GABRG3: variants seen among roughly 807,000 people sequenced by gnomAD.
GABRG3 encodes the protein gamma-aminobutyric acid receptor subunit gamma-3.
A neutral mutation model predicts 48.8 loss-of-function variants in GABRG3; 25 were observed. That is an observed-to-expected ratio of 0.51 (90% confidence interval 0.37 to 0.72). GABRG3 has a LOEUF of 0.72. Among genes scored for constraint, GABRG3 ranks in the 30% least tolerant of loss-of-function variants. The pLI is 0.00. For missense variants in GABRG3, 394 were observed against 577.9 expected, an observed-to-expected ratio of 0.68 and a Z score of 3.26; for synonymous variants, 227 against 217.6, an observed-to-expected ratio of 1.04 and a Z score of -0.38.
intron 6 of GABRG3, among the ~76,000 whole-genome samples, chr15:27,495,468 T>A (rs8023432): frequency 5.3e-4 from 80 of 152,308 alleles, no homozygotes; most frequent in African/African-American, 1.8e-3. Flanking sequence ...TGATTTGAGT[T>A]CTCTTGGATA....
At chr15:27,409,775 A>T (rs949340047) in intron 5 of GABRG3, among the ~76,000 whole-genome samples, 1 of 152,168 alleles carries the variant, frequency 6.6e-6, no homozygotes, top group Non-Finnish European at 1.5e-5. Context: ...ACTGATTTTT[A>T]TGTGTTGATC....
At position 27,451,120 on chromosome 15, in the gene GABRG3, C is replaced by G. The variant is rs1030804797; in HGVS notation, c.575-29530C>G. On this transcript the variant is annotated intron_variant, in intron 5 of 9. Transcript: ENST00000615808. ...GTTCATACTACCCAAAGTGATCACC[C>G]AAAGTGATTCAGTGTAATCCCAATC... is the stretch of plus-strand genomic sequence containing the variant. 3.3e-5 allele frequency among the ~76,000 whole-genome samples: 5 copies of G among 151,988 alleles called. No homozygotes were observed. The East Asian group carries it at 9.6e-4, about 29-fold the overall frequency.
chr15:27,153,924 A>G (rs895077603), intron 3 of GABRG3, among the ~76,000 whole-genome samples: 1 of 152,098 alleles, frequency 6.6e-6, no homozygotes, highest in Non-Finnish European at 1.5e-5. Flanking sequence ...TTGCCTTTTG[A>G]CATCACTTGT....
intron 3 of GABRG3, among the ~76,000 whole-genome samples, chr15:27,314,600 T>C (rs1447756161): frequency 6.6e-6 from 1 of 152,192 alleles, no homozygotes; most frequent in African/African-American, 2.4e-5. Context: ...CTTTCAAAGA[T>C]ATCTTAGCAC....
chr15:27,358,418 T>G (rs1190568164), intron 5 of GABRG3, among the ~76,000 whole-genome samples: 1 of 152,078 alleles, frequency 6.6e-6, no homozygotes, highest in East Asian at 1.9e-4. Context: ...TTCCCAACTC[T>G]AAGAAACGTT....
intron 3 of GABRG3, among the ~76,000 whole-genome samples, chr15:27,147,852 G>C (rs1898238123): frequency 6.6e-6 from 1 of 151,882 alleles, no homozygotes; most frequent in Admixed American, 6.6e-5. Context: ...AGCTGCAGTT[G>C]ACTATTTTTA....
intron 3 of GABRG3, among the ~76,000 whole-genome samples, chr15:27,262,297 A>G (rs1169477228): frequency 6.6e-6 from 1 of 152,202 alleles, no homozygotes; most frequent in African/African-American, 2.4e-5. Context: ...CTACCCAGTA[A>G]TCCTGGGTGT....
At chr15:27,328,272 G>A (rs1367901305) in intron 4 of GABRG3, among the ~76,000 whole-genome samples, 1 of 139,894 alleles carries the variant, frequency 7.1e-6, no homozygotes, top group Non-Finnish European at 1.5e-5. Context: ...AAGCCAGGGC[G>A]AAGACCTGGC....
At chr15:26,991,744 G>A (rs572858504) in intron 2 of GABRG3, among the ~76,000 whole-genome samples, 3 of 151,076 alleles carry the variant, frequency 2.0e-5, no homozygotes, top group South Asian at 4.2e-4. Context: ...TTTCTGAGAC[G>A]GAGTCTTGCT....
intron 3 of GABRG3, among the ~76,000 whole-genome samples, chr15:27,258,245 C>T (rs576356853): frequency 6.6e-5 from 10 of 152,262 alleles, no homozygotes; most frequent in African/African-American, 2.2e-4. Flanking sequence ...ACCTTATTAC[C>T]TTATTTCAGT....
At chr15:27,350,446 A>C (rs1462063801) in intron 5 of GABRG3, 2 of 325,766 alleles carry the variant, frequency 6.1e-6, no homozygotes, top group Non-Finnish European at 1.2e-5. Context: ...ATATCAGTAA[A>C]TAAAAATGGA....
intron 3 of GABRG3, among the ~76,000 whole-genome samples, chr15:27,132,257 A>G (rs1897928147): frequency 6.6e-6 from 1 of 151,998 alleles, no homozygotes; most frequent in Non-Finnish European, 1.5e-5. Context: ...TAGTAGTTTC[A>G]TAGTTTCAGG....
chr15:27,451,105 C>A (rs967950956), intron 5 of GABRG3, among the ~76,000 whole-genome samples: 8 of 152,206 alleles, frequency 5.3e-5, no homozygotes, highest in African/African-American at 1.7e-4. Context: ...GTTCATACTA[C>A]CCAAAGTGAT....
chr15:27,526,245 T>C (rs1347036381), intron 7 of GABRG3, among the ~76,000 whole-genome samples: 1 of 152,174 alleles, frequency 6.6e-6, no homozygotes, highest in African/African-American at 2.4e-5. Flanking sequence ...TGAGACCCAT[T>C]CTCCACCTGG....
At chr15:27,234,143 C>A (rs8034031) in intron 3 of GABRG3, among the ~76,000 whole-genome samples, 2,644 of 152,248 alleles carry the variant, frequency 0.017, 72 homozygotes, top group African/African-American at 0.061. Context: ...TCATTTAGAA[C>A]CAACTACCTC....
chr15:27,538,905 G>T lies in GABRG3; in HGVS notation c.*6024G>T, dbSNP rs1891606440. ...ATTTTCTTAAATATGTGTTTCTTAG[G>T]TATCTAAGGATACATGAGCGAGCCC... On this transcript the variant is annotated 3_prime_UTR_variant, in exon 10 of 10. Coordinates refer to ENST00000615808, the MANE Select transcript of GABRG3 (RefSeq NM_033223.5). 2 of 152,110 alleles carry T rather than the reference G, an allele frequency of 1.3e-5. No individual in the cohort carries two copies. The highest frequency in any genetic ancestry group is 1.3e-4 in the Admixed American group (2 of 15,262). The allele number at this position is 152,110 out of a possible 1,614,324, so 9.4% of individuals were successfully genotyped here.
intron 5 of GABRG3, among the ~76,000 whole-genome samples, chr15:27,339,968 C>T: frequency 6.6e-6 from 1 of 152,056 alleles, no homozygotes; most frequent in Non-Finnish European, 1.5e-5. Context: ...GGCGTTGGGG[C>T]AGGAAGGCTG....
chr15:27,403,932 A>AAC (rs1887553903), intron 5 of GABRG3, among the ~76,000 whole-genome samples: 1 of 131,882 alleles, frequency 7.6e-6, no homozygotes. Flanking sequence ...AAAAAAACAA[A>AAC]AAAAAAAAAC....
At chr15:27,459,416 C>T (rs983210468) in intron 5 of GABRG3, among the ~76,000 whole-genome samples, 4 of 152,298 alleles carry the variant, frequency 2.6e-5, no homozygotes, top group South Asian at 2.1e-4. Context: ...CCTCTACCTC[C>T]GTAAAGGCAA....
Sources: allele counts gnomAD v4.1 joint callset (sites outside exome capture counted in the v4.1 genomes callset), GRCh38; gene constraint gnomAD v4.1.1; transcripts MANE v1.5; gene names NCBI Gene and HGNC (gene_info 2026-07-23, HGNC 2026-07-21).